The following XIRP2 variants were observed in gnomAD, a reference collection of about 807,000 sequenced individuals.
XIRP2 encodes xin actin binding repeat containing 2.
Under a neutral mutation model 277.0 loss-of-function variants are expected in XIRP2, and 236 were observed. The observed-to-expected ratio is 0.85, with a 90% confidence interval of 0.77 to 0.95. The LOEUF (loss-of-function observed/expected upper bound fraction) is 0.95, where lower values mean the gene tolerates loss of function less well. Among genes scored for constraint, XIRP2 ranks in the 40% least tolerant of loss-of-function variants. The pLI is 0.00. For synonymous variants in XIRP2, 1,490 were observed against 1,416.5 expected (o/e 1.05, Z -1.17); for missense variants, 4,640 against 4,157.5 (o/e 1.12, Z -3.19).
rs143733745 is a variant in XIRP2 at position 166,909,313 on chromosome 2, C to G, written c.408+5423C>G. Among the ~76,000 whole-genome samples the G allele has an allele frequency of 4.6e-3, 693 of 152,240 alleles. 8 individuals are homozygous for G. The highest frequency in any genetic ancestry group is 0.016 in the African/African-American group (657 of 41,546). On this transcript the variant is annotated intron_variant, in intron 2 of 10. Transcript: ENST00000409195. ...TCGTTGAACAGTGATTTGTAGTTCT[C>G]CTTGAAGAGGTCCTTCACATCCCTT...
At chr2:167,154,056 C>T (rs1216517351) in intron 3 of XIRP2, among the ~76,000 whole-genome samples, 1 of 149,454 alleles carries the variant, frequency 6.7e-6, no homozygotes, top group East Asian at 2.0e-4. Flanking sequence ...TTCTCCACAT[C>T]CTCTCCAGCA....
At chr2:167,116,383 G>A (rs1023166579) in intron 2 of XIRP2, among the ~76,000 whole-genome samples, 2 of 152,062 alleles carry the variant, frequency 1.3e-5, no homozygotes, top group Non-Finnish European at 2.9e-5. Flanking sequence ...TTTATAATTG[G>A]CAATGTTCCT....
Position 167,250,553 on chromosome 2 carries a change from C to T in XIRP2, c.9161C>T (p.Ser3054Phe), listed in dbSNP as rs1695452831. 6.2e-7 allele frequency: 1 copy of T among 1,613,374 alleles called. No individual in the cohort carries two copies. The highest frequency in any genetic ancestry group is 8.5e-7 in the Non-Finnish European group (1 of 1,179,700). ...CCCACTAGTCTTGATGAAACATCAT[C>T]CAAAGTATCTAATGTTCATGTCAGC... ...NKPTSLDETS[S>F]KVSNVHVSNN... Residue 3054 changes from serine (S) to phenylalanine (F), a missense_variant, in exon 9 of 11, where the codon TCC becomes TTC. Ser to Phe is a radical substitution (Grantham distance 155). Transcript: ENST00000409195.
chr2:166,966,156 T>G (rs1686427445), intron 2 of XIRP2, among the ~76,000 whole-genome samples: 1 of 151,824 alleles, frequency 6.6e-6, no homozygotes, highest in Admixed American at 6.6e-5. Flanking sequence ...AAACAAAAAT[T>G]TAGGCTGAAT....
chr2:167,150,180 TGAG>T (rs1691974605), intron 3 of XIRP2, among the ~76,000 whole-genome samples: 1 of 151,870 alleles, frequency 6.6e-6, no homozygotes, highest in African/African-American at 2.4e-5. Context: ...TACTAATAAT[TGAG>T]GAAATAAAAA....
At chr2:166,925,076 G>T (rs1048774841) in intron 2 of XIRP2, among the ~76,000 whole-genome samples, 1 of 151,944 alleles carries the variant, frequency 6.6e-6, no homozygotes, top group Admixed American at 6.6e-5. Context: ...TGTGTTAAAA[G>T]TATTTCAGGC....
chr2:166,977,290 T>C (rs1186178160), intron 2 of XIRP2, among the ~76,000 whole-genome samples: 4 of 151,994 alleles, frequency 2.6e-5, no homozygotes, highest in Non-Finnish European at 5.9e-5. Context: ...TTTTCAATTA[T>C]TAGTTCTTCA....
chr2:167,155,516 T>G (rs1239636547), intron 3 of XIRP2, among the ~76,000 whole-genome samples: 1 of 152,154 alleles, frequency 6.6e-6, no homozygotes, highest in Non-Finnish European at 1.5e-5. Context: ...TCTCAATAGA[T>G]GCATAAAAGG....
chr2:166,948,196 C>A (rs190925473), intron 2 of XIRP2, among the ~76,000 whole-genome samples: 2 of 152,088 alleles, frequency 1.3e-5, no homozygotes, highest in East Asian at 3.9e-4. Flanking sequence ...TCAAGTGAAC[C>A]CTATTGTAAA....
intron 2 of XIRP2, among the ~76,000 whole-genome samples, chr2:167,087,058 C>T (rs1689972063): frequency 6.6e-6 from 1 of 151,202 alleles, no homozygotes; most frequent in Admixed American, 6.6e-5. Flanking sequence ...TCTGTTTTTT[C>T]CCCATCTTTG....
At position 167,259,128 on chromosome 2, in the gene XIRP2, C is replaced by G; in HGVS notation, c.*1311C>G. ...ATTTTCAATTGTGATTTAATAGATT[C>G]TGTAGATCAAATTAAAAATATGCCA... On this transcript the variant is annotated 3_prime_UTR_variant, in exon 11 of 11. Coordinates refer to ENST00000409195, the MANE Select transcript of XIRP2 (RefSeq NM_152381.6). 6.2e-7 allele frequency: 1 copy of G among 1,612,612 alleles called. No homozygotes were observed. Among genetic ancestry groups the G allele is most frequent in the Non-Finnish European group, 8.5e-7 (1 of 1,179,208 alleles).
chr2:167,040,085 T>C (rs1177692151), intron 2 of XIRP2, among the ~76,000 whole-genome samples: 2 of 152,092 alleles, frequency 1.3e-5, no homozygotes, highest in East Asian at 3.8e-4. Context: ...TTATCATGAT[T>C]CTTTCAATAA....
At chr2:167,125,522 A>G (rs2105308307) in intron 2 of XIRP2, among the ~76,000 whole-genome samples, 1 of 152,280 alleles carries the variant, frequency 6.6e-6, no homozygotes, top group South Asian at 2.1e-4. Context: ...TAGTTTCTTC[A>G]CTGTAAAATA....
At chr2:167,252,636 G>A (rs572514679) in intron 9 of XIRP2, among the ~76,000 whole-genome samples, 1 of 152,000 alleles carries the variant, frequency 6.6e-6, no homozygotes, top group South Asian at 2.1e-4. Flanking sequence ...TTATTTGGAA[G>A]GAGGGAGGTT....
At chr2:167,136,144 T>C in intron 3 of XIRP2, 82 bp downstream of exon 3, 3 of 1,297,616 alleles carry the variant, frequency 2.3e-6, no homozygotes, top group Non-Finnish European at 3.0e-6. Context: ...ATATGAGGGG[T>C]TTGTTTAAAA....
intron 2 of XIRP2, among the ~76,000 whole-genome samples, chr2:166,970,998 ATGT>A (rs1686562560): frequency 6.6e-6 from 1 of 151,954 alleles, no homozygotes; most frequent in Admixed American, 6.6e-5. Flanking sequence ...TTTAATATAA[ATGT>A]TGGTACATGA....
chr2:167,073,826 G>GA (rs911574985), intron 2 of XIRP2, among the ~76,000 whole-genome samples: 13 of 152,024 alleles, frequency 8.6e-5, no homozygotes, highest in African/African-American at 3.1e-4. Flanking sequence ...TGCTAAGCAG[G>GA]AAAAAACATA....
intron 2 of XIRP2, among the ~76,000 whole-genome samples, chr2:167,023,897 C>G (rs559455497): frequency 2.0e-5 from 3 of 152,154 alleles, no homozygotes; most frequent in Non-Finnish European, 2.9e-5. Flanking sequence ...CGTGATGCCT[C>G]TGGCTGTGTT....
chr2:167,249,176 A>T lies in XIRP2; in HGVS notation c.7784A>T (p.Glu2595Val). The T allele has an allele frequency of 6.2e-7, 1 of 1,613,730 alleles. No homozygotes were observed. The highest frequency in any genetic ancestry group is 8.5e-7 in the Non-Finnish European group (1 of 1,179,792). ...ATGCCATTACAAAAAACCAATGAGG[A>T]GGTTTCCCTATCTGGAATTGATTCA... ...KEMPLQKTNE[E>V]VSLSGIDSEC... is the part of the protein sequence containing the mutation. Residue 2595 changes from glutamate (E) to valine (V), a missense_variant, in exon 9 of 11, where the codon GAG (glutamate) becomes GTG (valine). Transcript: ENST00000409195.
Sources: allele counts gnomAD v4.1 joint callset (sites outside exome capture counted in the v4.1 genomes callset), GRCh38; gene constraint gnomAD v4.1.1; transcripts MANE v1.5; gene names NCBI Gene and HGNC (gene_info 2026-07-23, HGNC 2026-07-21).